The following PLPP3 variants were observed in gnomAD, a reference collection of about 807,000 sequenced individuals.
PLPP3 encodes phospholipid phosphatase 3.
A neutral mutation model predicts 29.6 loss-of-function variants in PLPP3; 6 were observed. That is an observed-to-expected ratio of 0.20 (90% confidence interval 0.11 to 0.40). The LOEUF (loss-of-function observed/expected upper bound fraction) is 0.40. Ranked by LOEUF, PLPP3 falls within the 10% of genes least tolerant of loss-of-function variation. PLPP3 has a pLI of 1.00. For synonymous variants in PLPP3, 152 were observed against 159.7 expected, an observed-to-expected ratio of 0.95 and a Z score of 0.36; for missense variants, 308 against 407.7, an observed-to-expected ratio of 0.76 and a Z score of 2.11.
intron 5 of PLPP3, among the ~76,000 whole-genome samples, chr1:56,499,495 T>C (rs924809279): frequency 1.3e-5 from 2 of 152,190 alleles, no homozygotes; most frequent in African/African-American, 4.8e-5. Context: ...TGTTTGTCGT[T>C]GAATTTCAAA....
chr1:56,524,247 G>A lies in PLPP3; in HGVS notation c.575+30C>T, dbSNP rs1645838074. 1 of 1,611,296 alleles carries A rather than the reference G, an allele frequency of 6.2e-7. No homozygotes were observed. The highest frequency in any genetic ancestry group is 8.5e-7 in the Non-Finnish European group (1 of 1,179,050). On this transcript the variant is annotated intron_variant, in intron 3 of 5. Transcript: ENST00000371250. This position sits in a 1 kb window ranked among gnomAD's most constrained non-coding sequence, Gnocchi z 4.3. ...AACTGCACTGTATGAAAGGGGTCCA[G>A]GCTCTGGCCATGCGGAGGTGGTGTC... is the stretch of plus-strand genomic sequence containing the variant.
At chr1:56,576,081 A>G (rs753548655) in intron 1 of PLPP3, among the ~76,000 whole-genome samples, 2 of 152,224 alleles carry the variant, frequency 1.3e-5, no homozygotes, top group Non-Finnish European at 2.9e-5. Context: ...GCTTTCAAAC[A>G]AGAGTAGACT....
rs1408269307 is a variant in PLPP3, at chr1:56,557,000, A to G, written c.140-19888T>C. Among the ~76,000 whole-genome samples the G allele has an allele frequency of 1.7e-3, 18 of 10,724 alleles. 2 individuals are homozygous for G. The highest frequency in any genetic ancestry group is 5.6e-3 in the African/African-American group (16 of 2,876). 7.0% of individuals were successfully genotyped at this position (10,724 alleles called of 152,430 possible). ...AAAGAAAGAAAGAAAGAAAGAAAGA[A>G]AGAAAGAAAGAGAGAGAGAGAGAGA... is the stretch of plus-strand genomic sequence containing the variant. On this transcript the variant is annotated intron_variant, in intron 1 of 5. Coordinates refer to ENST00000371250, the MANE Select transcript of PLPP3 (RefSeq NM_003713.5).
intron 1 of PLPP3, among the ~76,000 whole-genome samples, chr1:56,543,710 C>A (rs1645984557): frequency 6.6e-6 from 1 of 152,158 alleles, no homozygotes. Flanking sequence ...ATTTTTCTAC[C>A]TTTGAAACAG....
At chr1:56,532,494 A>C (rs948282619) in intron 2 of PLPP3, among the ~76,000 whole-genome samples, 1 of 152,120 alleles carries the variant, frequency 6.6e-6, no homozygotes, top group Non-Finnish European at 1.5e-5. Flanking sequence ...GGGAGGAACT[A>C]ATGAAGTCCA....
At chr1:56,542,084 G>A (rs187329400) in intron 1 of PLPP3, among the ~76,000 whole-genome samples, 49 of 152,020 alleles carry the variant, frequency 3.2e-4, no homozygotes, top group Admixed American at 1.6e-3. Context: ...TTCTTGGGAT[G>A]TGTAGGTTGC....
intron 2 of PLPP3, among the ~76,000 whole-genome samples, chr1:56,530,658 G>A (rs542658665): frequency 6.6e-6 from 1 of 152,270 alleles, no homozygotes; most frequent in South Asian, 2.1e-4. Flanking sequence ...CTGTGGTTCA[G>A]GCCTCATCTT....
intron 4 of PLPP3, among the ~76,000 whole-genome samples, chr1:56,522,053 C>A (rs1353104580): frequency 6.6e-6 from 1 of 152,274 alleles, no homozygotes; most frequent in East Asian, 1.9e-4. Flanking sequence ...TTTTGTAGCA[C>A]AGTACAATGA....
Position 56,557,056 on chromosome 1 carries a change from G to GAGAA in PLPP3, c.140-19948_140-19945dup, listed in dbSNP as rs1277842421. Among the ~76,000 whole-genome samples the GAGAA allele has an allele frequency of 4.4e-4, 4 of 9,134 alleles. 1 individual carries two copies. Among genetic ancestry groups the GAGAA allele is most frequent in the Non-Finnish European group, 1.5e-3 (4 of 2,630 alleles). 6.0% of individuals were successfully genotyped at this position (9,134 alleles called of 152,430 possible). A position where few individuals can be genotyped will look rare whatever the true frequency, so the allele number is the denominator to read the frequency against. ...AGAGAGAGAGAGAGAGAGAGAGAGA[G>GAGAA]AGAAAGAAAGAAAGAAAGAAAAAAT... On this transcript the variant is annotated intron_variant, in intron 1 of 5. Coordinates refer to ENST00000371250, the MANE Select transcript of PLPP3 (RefSeq NM_003713.5).
intron 4 of PLPP3, chr1:56,513,852 G>T (rs976666152): frequency 1.3e-5 from 2 of 152,006 alleles, no homozygotes; most frequent in Non-Finnish European, 2.9e-5. Context: ...GAGCCTTTAT[G>T]GAATAAAGGA....
intron 2 of PLPP3, among the ~76,000 whole-genome samples, chr1:56,535,443 T>G (rs892926787): frequency 9.2e-5 from 14 of 152,316 alleles, no homozygotes; most frequent in Middle Eastern, 6.8e-3. Context: ...TAATCCATTT[T>G]GCTGCCATTG....
intron 1 of PLPP3, among the ~76,000 whole-genome samples, chr1:56,563,709 T>C (rs1401532701): frequency 1.3e-5 from 2 of 152,194 alleles, no homozygotes; most frequent in Admixed American, 6.5e-5. Context: ...CACCAACCCA[T>C]CAATGAGGAT....
At chr1:56,530,693 G>A (rs1394082205) in intron 2 of PLPP3, among the ~76,000 whole-genome samples, 2 of 75,510 alleles carry the variant, frequency 2.6e-5, no homozygotes, top group Admixed American at 1.3e-4. Flanking sequence ...AATTGACCAA[G>A]CTCACTTAAA....
At chr1:56,557,019 AGAG>A (rs1646084630) in intron 1 of PLPP3, among the ~76,000 whole-genome samples, 1 of 14,382 alleles carries the variant, frequency 7.0e-5, no homozygotes, top group African/African-American at 1.9e-4. Flanking sequence ...AGAGAGAGAG[AGAG>A]AGAAAGAGAG....
At position 56,567,600 on chromosome 1, in the gene PLPP3, T is replaced by C. The variant is rs535247521; in HGVS notation, c.139+11278A>G. On this transcript the variant is annotated intron_variant, in intron 1 of 5. Coordinates refer to ENST00000371250, the MANE Select transcript of PLPP3 (RefSeq NM_003713.5). ...TTTTAGTAGAGACGGGGTTTCACTG[T>C]GTTAGCCAGGATGGTCTCAATCTCC... Among the ~76,000 whole-genome samples the C allele has an allele frequency of 5.3e-3, 806 of 152,168 alleles. 1 individual carries two copies. Among genetic ancestry groups the C allele is most frequent in the Non-Finnish European group, 8.4e-3 (568 of 67,992 alleles).
At chr1:56,536,421 C>T (rs1227210360) in intron 2 of PLPP3, among the ~76,000 whole-genome samples, 1 of 152,150 alleles carries the variant, frequency 6.6e-6, no homozygotes, top group African/African-American at 2.4e-5. Context: ...ACTAGCCTCC[C>T]TTCCCCCTCC....
chr1:56,569,023 C>T (rs1420384269), intron 1 of PLPP3, among the ~76,000 whole-genome samples: 1 of 152,058 alleles, frequency 6.6e-6, no homozygotes, highest in Admixed American at 6.6e-5. Flanking sequence ...CCTCTGCCTC[C>T]CATTTGCCTA....
chr1:56,559,985 A>G (rs1646110316), intron 1 of PLPP3, among the ~76,000 whole-genome samples: 1 of 152,180 alleles, frequency 6.6e-6, no homozygotes, highest in Non-Finnish European at 1.5e-5. Flanking sequence ...ATGGTGCCTA[A>G]AAGCATTCTG....
chr1:56,552,975 T>A (rs911462848), intron 1 of PLPP3, among the ~76,000 whole-genome samples: 18 of 152,164 alleles, frequency 1.2e-4, no homozygotes, highest in Admixed American at 1.1e-3. Flanking sequence ...TTTTCTTCGC[T>A]GAGCCTGTAT....
Sources: gnomAD v4.1 joint callset for allele counts (sites outside exome capture counted in the v4.1 genomes callset) on GRCh38, gnomAD v4.1.1 for gene constraint, Gnocchi (gnomAD v3.1) non-coding constraint, MANE v1.5 for transcripts, NCBI Gene and HGNC (gene_info 2026-07-23, HGNC 2026-07-21) for gene names.